The following SCARB1 variants were observed in gnomAD, a reference collection of about 807,000 sequenced individuals.
SCARB1 encodes scavenger receptor class B member 1, also known as CD36 and LIMPII analogous 1.
Under a neutral mutation model 57.2 loss-of-function variants are expected in SCARB1, and 30 were observed. That is an observed-to-expected ratio of 0.52 (90% confidence interval 0.39 to 0.71). The LOEUF (loss-of-function observed/expected upper bound fraction) is 0.71. Among genes scored for constraint, SCARB1 ranks in the 30% least tolerant of loss-of-function variants. SCARB1 has a pLI of 0.00. For missense variants in SCARB1, 543 were observed against 671.2 expected, an observed-to-expected ratio of 0.81 and a Z score of 2.11; for synonymous variants, 249 against 268.3, an observed-to-expected ratio of 0.93 and a Z score of 0.70.
chr12:124,826,546 C>T (rs1472709108), intron 1 of SCARB1, among the ~76,000 whole-genome samples: 1 of 152,052 alleles, frequency 6.6e-6, no homozygotes, highest in Admixed American at 6.6e-5. Context: ...CCAGATCAAG[C>T]AATCCTCTCA....
chr12:124,828,395 A>C (rs1243731588), intron 1 of SCARB1, among the ~76,000 whole-genome samples: 2 of 152,072 alleles, frequency 1.3e-5, no homozygotes, highest in African/African-American at 4.8e-5. Context: ...ATTGCAGTTC[A>C]TGCCCTGTAC....
At chr12:124,852,320 G>A (rs755790671) in intron 1 of SCARB1, among the ~76,000 whole-genome samples, 1 of 152,236 alleles carries the variant, frequency 6.6e-6, no homozygotes, top group Non-Finnish European at 1.5e-5. Context: ...CAGATGGAGT[G>A]TGTTAAGACT....
rs147734175 is a variant in SCARB1, at chr12:124,841,373, C to CAA, written c.126+22220_126+22221dup. ...TGGGCAACAGAGCAAGACTCCGTCT[C>CAA]AAAAAAAAAAAAAAAAGAGAATTGC... is the stretch of plus-strand genomic sequence containing the variant. On this transcript the variant is annotated intron_variant, in intron 1 of 12. Transcript: ENST00000261693. Among the ~76,000 whole-genome samples the CAA allele has an allele frequency of 2.7e-3, 233 of 87,080 alleles. 1 individual carries two copies. Among genetic ancestry groups the CAA allele is most frequent in the East Asian group, 4.2e-3 (13 of 3,096 alleles). The allele number at this position is 87,080 out of a possible 152,430, so 57.1% of individuals were successfully genotyped here.
chr12:124,844,351 C>T (rs1427540114), intron 1 of SCARB1, among the ~76,000 whole-genome samples: 1 of 152,166 alleles, frequency 6.6e-6, no homozygotes, highest in Non-Finnish European at 1.5e-5. Flanking sequence ...CCCTGTGCCA[C>T]CCCCAGCTCA....
chr12:124,794,386 G>A (rs1249723441), intron 9 of SCARB1, among the ~76,000 whole-genome samples: 2 of 146,830 alleles, frequency 1.4e-5, no homozygotes, highest in Non-Finnish European at 3.0e-5. Flanking sequence ...GAGGAAATCA[G>A]TGCTTGAAAA....
At chr12:124,808,433 C>A (rs1046430083) in intron 6 of SCARB1, among the ~76,000 whole-genome samples, 16 of 152,244 alleles carry the variant, frequency 1.1e-4, no homozygotes, top group Non-Finnish European at 2.1e-4. Context: ...AAGCTCTGCT[C>A]AGCCCTGCCC....
rs59809936 is a variant in SCARB1, at chr12:124,811,815, C to T, written c.726+55G>A. On this transcript the variant is annotated intron_variant, in intron 5 of 12. Coordinates refer to ENST00000261693, the MANE Select transcript of SCARB1 (RefSeq NM_005505.5). ...CCTGCCACTCCCGAGCAGCCATGGC[C>T]GGGCCCACCCTCCCCTCTCCCTGGC... The T allele has an allele frequency of 3.1e-3, 3,989 of 1,290,452 alleles. 96 individuals are homozygous for T. In the African/African-American group the frequency reaches 0.052, roughly 17 times the overall value. The allele number at this position is 1,290,452 out of a possible 1,614,324, so 79.9% of individuals were successfully genotyped here.
At position 124,863,591 on chromosome 12, in the gene SCARB1, C is replaced by T. The variant is rs149399988; in HGVS notation, c.126+4G>A. 186 of 1,602,794 alleles carry T rather than the reference C, an allele frequency of 1.2e-4. 1 individual carries two copies. In the Middle Eastern group the frequency reaches 2.0e-3, roughly 17 times the overall value. ...GCGGACCCCCTGGGGTCTCCCTCAC[C>T]CACCTTAAGGACCTGCTGCTTGATG... On this transcript the variant is annotated splice_donor_region_variant and intron_variant, in intron 1 of 12. Transcript: ENST00000261693.
chr12:124,781,473 G>A (rs957241722), intron 12 of SCARB1, among the ~76,000 whole-genome samples: 4 of 151,970 alleles, frequency 2.6e-5, no homozygotes, highest in Non-Finnish European at 4.4e-5. Context: ...AGGGCCTGCA[G>A]CTCTGCCCGT....
chr12:124,848,054 C>T (rs954432859), intron 1 of SCARB1, among the ~76,000 whole-genome samples: 6 of 152,148 alleles, frequency 3.9e-5, no homozygotes, highest in African/African-American at 7.2e-5. Flanking sequence ...CATGAGGCAA[C>T]CAGACACAGC....
rs1370512115 is a variant in SCARB1, at chr12:124,810,605, G to A, written c.727-316C>T. Among the ~76,000 whole-genome samples, 2 of 152,178 alleles carry A rather than the reference G, an allele frequency of 1.3e-5. No individual in the cohort carries two copies. Among genetic ancestry groups the A allele is most frequent in the African/African-American group, 2.4e-5 (1 of 41,450 alleles). On this transcript the variant is annotated intron_variant, in intron 5 of 12. Coordinates refer to ENST00000261693, the MANE Select transcript of SCARB1 (RefSeq NM_005505.5). This position sits in a 1 kb window ranked among gnomAD's most constrained non-coding sequence, Gnocchi z 4.0. ...GCAGGTGAGGTGAGAGGTGGGGCGC[G>A]GCTGTGCTCAGCCCTCAGAGCGGAA...
At position 124,811,969 on chromosome 12, in the gene SCARB1, C is replaced by T; in HGVS notation, c.631-4G>A. The T allele has an allele frequency of 6.2e-7, 1 of 1,608,206 alleles. No homozygotes were observed. The highest frequency in any genetic ancestry group is 1.1e-5 in the South Asian group (1 of 90,072). ...GCCCAGAGTCGGAGTTGTTGAGCTACAGACACAGCAGGGAACAGCATCGTA... is the reference window on the plus strand; with the variant it reads ...GCCCAGAGTCGGAGTTGTTGAGCTATAGACACAGCAGGGAACAGCATCGTA... On this transcript the variant is annotated splice_region_variant and splice_polypyrimidine_tract_variant and intron_variant, in intron 4 of 12. Transcript: ENST00000261693.
intron 1 of SCARB1, among the ~76,000 whole-genome samples, chr12:124,850,710 A>G (rs1313783176): frequency 6.6e-6 from 1 of 152,202 alleles, no homozygotes; most frequent in Non-Finnish European, 1.5e-5. Flanking sequence ...ATACATACAT[A>G]ATAAACAGCT....
intron 1 of SCARB1, among the ~76,000 whole-genome samples, chr12:124,823,236 T>G (rs1221419349): frequency 6.6e-6 from 1 of 152,228 alleles, no homozygotes; most frequent in Non-Finnish European, 1.5e-5. Flanking sequence ...TATGTGGGCT[T>G]TTCTATACGT....
intron 1 of SCARB1, among the ~76,000 whole-genome samples, chr12:124,856,292 T>A (rs1490615222): frequency 6.6e-6 from 1 of 152,204 alleles, no homozygotes; most frequent in East Asian, 1.9e-4. Context: ...AACACAGGTG[T>A]CTGCATACAC....
In SCARB1 at chr12:124,808,412, A is replaced by T. The variant is rs1276164752; in HGVS notation, c.843-485T>A. ...CCATTAGGATTCATTGACCTTATCTAGCCCCTGCATAAGCTCTGCTCAGCC... is the reference window on the plus strand; with the variant it reads ...CCATTAGGATTCATTGACCTTATCTTGCCCCTGCATAAGCTCTGCTCAGCC... On this transcript the variant is annotated intron_variant, in intron 6 of 12. Transcript: ENST00000261693. Among the ~76,000 whole-genome samples the T allele has an allele frequency of 2.0e-5, 3 of 152,306 alleles. No homozygotes were observed. The East Asian group carries it at 5.8e-4, about 29-fold the overall frequency.
At chr12:124,861,487 A>T (rs59213475) in intron 1 of SCARB1, among the ~76,000 whole-genome samples, 71,298 of 151,980 alleles carry the variant, frequency 0.47, 17,229 homozygotes, top group South Asian at 0.52. Context: ...TAAAAAAAAA[A>T]AATAAAAGCA....
chr12:124,817,855 G>C lies in SCARB1; in HGVS notation c.127-148C>G. 13 of 815,804 alleles carry C rather than the reference G, an allele frequency of 1.6e-5. No homozygotes were observed. Among genetic ancestry groups the C allele is most frequent in the Non-Finnish European group, 2.8e-5 (13 of 467,242 alleles). The allele number at this position is 815,804 out of a possible 1,614,324, so 50.5% of individuals were successfully genotyped here. On this transcript the variant is annotated intron_variant, in intron 1 of 12. Coordinates refer to ENST00000261693, the MANE Select transcript of SCARB1 (RefSeq NM_005505.5). The surrounding 1 kb of genome is among the most constrained non-coding windows in gnomAD (Gnocchi z 4.8). The stretch of plus-strand genomic sequence containing the variant: ...ATAGGAGGTGGTGGGAAAGCCCTTC[G>C]CACATGAGGCTGTCGCACCTGGAGC...
chr12:124,782,969 G>A (rs1949373282), intron 11 of SCARB1, 158 bp from the exon 12 acceptor site: 1 of 700,104 alleles, frequency 1.4e-6, no homozygotes, highest in East Asian at 2.7e-5. Flanking sequence ...GAGATGTGGG[G>A]AGCTGCCGCT....
Sources: gnomAD v4.1 joint callset for allele counts (sites outside exome capture counted in the v4.1 genomes callset) on GRCh38, gnomAD v4.1.1 for gene constraint, Gnocchi (gnomAD v3.1) non-coding constraint, MANE v1.5 for transcripts, NCBI Gene and HGNC (gene_info 2026-07-23, HGNC 2026-07-21) for gene names.